Variants in GSTA5 observed in about 807,000 individuals in gnomAD.
GSTA5 encodes glutathione S-transferase A5.
GSTA5 carries 25 observed loss-of-function variants against 21.8 expected under a neutral mutation model. That is an observed-to-expected ratio of 1.14 (90% CI 0.83 to 1.60). GSTA5 has a LOEUF of 1.60. Ranked by LOEUF, GSTA5 falls within the 40% of genes most tolerant of loss-of-function variation. GSTA5 has a pLI of 0.00. For missense variants in GSTA5, 330 were observed against 259.2 expected (o/e 1.27, Z -1.88); for synonymous variants, 102 against 89.5 (o/e 1.14, Z -0.78).
chr6:52,839,924 G>A (rs756987431), intron 1 of GSTA5, among the ~76,000 whole-genome samples: 3 of 152,196 alleles, frequency 2.0e-5, no homozygotes, highest in Non-Finnish European at 4.4e-5. Flanking sequence ...CATGTAGGCC[G>A]CCCCAGGGCA....
chr6:52,833,127 C>T lies in GSTA5; in HGVS notation c.415-137G>A, dbSNP rs921132456. 20 of 968,604 alleles carry T rather than the reference C, an allele frequency of 2.1e-5. No individual in the cohort carries two copies. In the African/African-American group the frequency reaches 2.9e-4, roughly 14 times the overall value. The allele number at this position is 968,604 out of a possible 1,614,324, so 60.0% of individuals were successfully genotyped here. A position where few individuals can be genotyped will look rare whatever the true frequency, so the allele number is the denominator to read the frequency against. On this transcript the variant is annotated intron_variant, in intron 4 of 5. Transcript: ENST00000370989. ...TGGGTGCAGAAATCCCAAGCTTTCT[C>T]CACATTATCTGAATGAATGAGAGAG...
upstream of GSTA5, among the ~76,000 whole-genome samples, chr6:52,843,484 C>A (rs965007148): frequency 2.0e-5 from 3 of 152,176 alleles, no homozygotes; most frequent in African/African-American, 7.2e-5. Context: ...TTTTGATTTG[C>A]ATTTCTCTAA....
upstream of GSTA5, among the ~76,000 whole-genome samples, chr6:52,845,753 C>A (rs1471707954): frequency 2.6e-5 from 4 of 152,196 alleles, no homozygotes; most frequent in Non-Finnish European, 5.9e-5. Flanking sequence ...CTTCTTCCAG[C>A]ACTGATTATT....
At chr6:52,837,678 C>A (rs765837393) in intron 1 of GSTA5, 69 bp from the exon 2 acceptor site, 1 of 1,077,892 alleles carries the variant, frequency 9.3e-7, no homozygotes, top group Non-Finnish European at 1.4e-6. Flanking sequence ...GTTGAATGGC[C>A]CCTATCTGGT....
chr6:52,845,125 C>T (rs1256795588), upstream of GSTA5, among the ~76,000 whole-genome samples: 6 of 151,930 alleles, frequency 3.9e-5, no homozygotes, highest in Admixed American at 2.0e-4. Context: ...CTCTCTGTTT[C>T]TCTCTCTCTT....
upstream of GSTA5, among the ~76,000 whole-genome samples, chr6:52,842,383 T>A (rs575438641): frequency 1.3e-5 from 2 of 150,714 alleles, no homozygotes; most frequent in Non-Finnish European, 2.9e-5. Flanking sequence ...AAAATATACT[T>A]GCCTTTAACA....
intron 1 of GSTA5, 142 bp downstream of exon 1, chr6:52,840,585 C>T: frequency 1.3e-6 from 1 of 772,878 alleles, no homozygotes; most frequent in Non-Finnish European, 2.1e-6. Context: ...TAGGTCAAAT[C>T]TATTCATCTT....
At chr6:52,843,827 C>A (rs1238880715), upstream of GSTA5, among the ~76,000 whole-genome samples, 2 of 152,120 alleles carry the variant, frequency 1.3e-5, no homozygotes, top group African/African-American at 2.4e-5. Context: ...GCTCCCTTAG[C>A]CATTGATTGA....
intron 4 of GSTA5, among the ~76,000 whole-genome samples, chr6:52,833,506 G>T (rs1458113582): frequency 6.6e-6 from 1 of 152,138 alleles, no homozygotes; most frequent in East Asian, 1.9e-4. Flanking sequence ...AAGTAAACCT[G>T]GGTGAACCTG....
chr6:52,832,686 C>G (rs1436613454), intron 5 of GSTA5, among the ~76,000 whole-genome samples, 173 bp downstream of exon 5: 1 of 152,138 alleles, frequency 6.6e-6, no homozygotes, highest in East Asian at 1.9e-4. Flanking sequence ...CTTTCCAGAA[C>G]AAAAGTGTTT....
intron 3 of GSTA5, 99 bp from the exon 4 acceptor site, chr6:52,834,381 T>C: frequency 8.5e-7 from 1 of 1,171,998 alleles, no homozygotes; most frequent in Non-Finnish European, 1.2e-6. Flanking sequence ...GGTGGCAAAG[T>C]AATTCACCTC....
intron 2 of GSTA5, among the ~76,000 whole-genome samples, chr6:52,837,110 CT>C (rs1764303772): frequency 6.6e-6 from 1 of 152,178 alleles, no homozygotes; most frequent in African/African-American, 2.4e-5. Context: ...CCCTTTTCTG[CT>C]CTTCAAAGCC....
exon 6 of GSTA5, chr6:52,831,855 C>G: frequency 6.2e-7 from 1 of 1,613,938 alleles, no homozygotes; most frequent in Non-Finnish European, 8.5e-7. Flanking sequence ...TTATTAAAAC[C>G]TGAAAATCTT....
At chr6:52,838,970 C>T (rs994488249) in intron 1 of GSTA5, among the ~76,000 whole-genome samples, 2 of 152,156 alleles carry the variant, frequency 1.3e-5, no homozygotes, top group African/African-American at 4.8e-5. Context: ...TAATGGAGTT[C>T]TTTATGGTGA....
intron 1 of GSTA5, among the ~76,000 whole-genome samples, chr6:52,839,260 C>A (rs1317599131): frequency 6.6e-6 from 1 of 152,126 alleles, no homozygotes; most frequent in African/African-American, 2.4e-5. Context: ...GTCAGCCCTG[C>A]CCCCGCCTTC....
intron 1 of GSTA5, among the ~76,000 whole-genome samples, chr6:52,840,243 G>A (rs887116895): frequency 6.6e-6 from 1 of 152,142 alleles, no homozygotes; most frequent in Non-Finnish European, 1.5e-5. Flanking sequence ...AAACCAATGT[G>A]AAGTTATATT....
At chr6:52,833,106 T>A in intron 4 of GSTA5, 116 bp from the exon 5 acceptor site, 1 of 1,153,314 alleles carries the variant, frequency 8.7e-7, no homozygotes, top group Middle Eastern at 2.0e-4. Context: ...ATTGCATGGG[T>A]GCAGAAATCC....
At chr6:52,840,951 T>G (rs1328477805), upstream of GSTA5, 3 of 734,636 alleles carry the variant, frequency 4.1e-6, no homozygotes, top group African/African-American at 1.8e-5. Flanking sequence ...TCTTCATGAC[T>G]GGGTTGAAGG....
At chr6:52,842,639 A>G (rs1400803747), upstream of GSTA5, among the ~76,000 whole-genome samples, 2 of 152,126 alleles carry the variant, frequency 1.3e-5, no homozygotes, top group African/African-American at 4.8e-5. Flanking sequence ...ACCTGACCTC[A>G]GGAGATCCAC....
Sources: allele counts gnomAD v4.1 joint callset (sites outside exome capture counted in the v4.1 genomes callset), GRCh38; gene constraint gnomAD v4.1.1; transcripts MANE v1.5; gene names NCBI Gene and HGNC (gene_info 2026-07-23, HGNC 2026-07-21).